The following ERC2 variants were observed in gnomAD, a reference collection of about 807,000 sequenced individuals.
ERC2 encodes ELKS/RAB6-interacting/CAST family member 2.
Under a neutral mutation model 114.8 loss-of-function variants are expected in ERC2, and 42 were observed. The ratio of observed to expected loss-of-function variants is 0.37; its 90% confidence interval spans 0.29 to 0.47. The LOEUF (loss-of-function observed/expected upper bound fraction) is 0.47, where lower values mean the gene tolerates loss of function less well. ERC2 is among the 20% of genes least tolerant of loss of function. The pLI, the probability that ERC2 is intolerant of heterozygous loss-of-function variation, is 0.99. For missense variants in ERC2, 939 were observed against 1,150.7 expected, an observed-to-expected ratio of 0.82 and a Z score of 2.66; for synonymous variants, 454 against 425.5, an observed-to-expected ratio of 1.07 and a Z score of -0.82.
intron 14 of ERC2, among the ~76,000 whole-genome samples, chr3:55,789,690 C>T (rs2069822021): frequency 6.6e-6 from 1 of 152,170 alleles, no homozygotes; most frequent in Non-Finnish European, 1.5e-5. Context: ...GAAGAAGTCA[C>T]ATGGTATGCT....
intron 17 of ERC2, among the ~76,000 whole-genome samples, chr3:55,547,994 G>T (rs927790316): frequency 6.6e-6 from 1 of 152,238 alleles, no homozygotes; most frequent in Non-Finnish European, 1.5e-5. Context: ...TCTTCAGGCT[G>T]TCAGGTCTAG....
At chr3:55,706,387 T>C (rs1236270881) in intron 15 of ERC2, among the ~76,000 whole-genome samples, 2 of 151,442 alleles carry the variant, frequency 1.3e-5, no homozygotes, top group East Asian at 3.9e-4. Context: ...TTTTTTTTTG[T>C]TTTTGTTTTT....
chr3:55,620,817 A>C (rs928321271), intron 17 of ERC2, among the ~76,000 whole-genome samples: 1 of 152,192 alleles, frequency 6.6e-6, no homozygotes, highest in African/African-American at 2.4e-5. Flanking sequence ...GCCCTATCTT[A>C]AATCCTCAAG....
intron 4 of ERC2, among the ~76,000 whole-genome samples, chr3:56,155,221 A>G (rs886367436): frequency 5.9e-5 from 9 of 152,146 alleles, no homozygotes; most frequent in Admixed American, 5.2e-4. Flanking sequence ...GCCCAGAGAC[A>G]GGTACCATGG....
intron 13 of ERC2, among the ~76,000 whole-genome samples, chr3:55,930,379 C>G (rs989664079): frequency 6.6e-6 from 1 of 152,172 alleles, no homozygotes; most frequent in African/African-American, 2.4e-5. Context: ...GAAATCAAAA[C>G]AGCATGGTAC....
At chr3:56,451,049 A>G (rs2107517317) in intron 1 of ERC2, among the ~76,000 whole-genome samples, 1 of 152,322 alleles carries the variant, frequency 6.6e-6, no homozygotes, top group East Asian at 1.9e-4. Flanking sequence ...CGTTTTTTAA[A>G]CATCTATGCA....
intron 12 of ERC2, among the ~76,000 whole-genome samples, chr3:55,982,552 G>T (rs2070238924): frequency 6.6e-6 from 1 of 151,948 alleles, no homozygotes; most frequent in South Asian, 2.1e-4. Context: ...TGCTCCTGTT[G>T]TTTCTATTAT....
chr3:55,643,878 A>C (rs1387946483), intron 17 of ERC2, among the ~76,000 whole-genome samples: 1 of 152,230 alleles, frequency 6.6e-6, no homozygotes, highest in African/African-American at 2.4e-5. Flanking sequence ...AGCTTTCACT[A>C]TAAATATTTG....
chr3:55,515,161 C>T (rs547739727), intron 17 of ERC2, among the ~76,000 whole-genome samples: 6 of 152,272 alleles, frequency 3.9e-5, no homozygotes, highest in Non-Finnish European at 7.4e-5. Flanking sequence ...ACAATTATGA[C>T]GTCAATCTTT....
At chr3:56,396,049 C>G (rs7624253) in intron 2 of ERC2, among the ~76,000 whole-genome samples, 5 of 152,192 alleles carry the variant, frequency 3.3e-5, no homozygotes, top group South Asian at 4.2e-4. Flanking sequence ...GATAAAAAGA[C>G]CAGGATTGGA....
chr3:55,694,722 C>A (rs1236851502), intron 16 of ERC2, among the ~76,000 whole-genome samples: 1 of 152,158 alleles, frequency 6.6e-6, no homozygotes, highest in Non-Finnish European at 1.5e-5. Context: ...TAGGCCCTTC[C>A]CAACTAGAAT....
intron 13 of ERC2, among the ~76,000 whole-genome samples, chr3:55,916,358 A>G (rs2065093009): frequency 6.6e-6 from 1 of 152,182 alleles, no homozygotes; most frequent in South Asian, 2.1e-4. Context: ...TGCTTGTAAC[A>G]GGTGATTTTT....
At chr3:56,164,071 A>G (rs2316480) in intron 4 of ERC2, among the ~76,000 whole-genome samples, 124,525 of 151,864 alleles carry the variant, frequency 0.82, 52,211 homozygotes, top group South Asian at 0.93. Flanking sequence ...CAAAGTTATT[A>G]ATCATTTCCT....
At chr3:55,699,105 G>A (rs542427615) in intron 16 of ERC2, among the ~76,000 whole-genome samples, 197 of 152,176 alleles carry the variant, frequency 1.3e-3, no homozygotes, top group African/African-American at 4.5e-3. Flanking sequence ...ATGAGATACC[G>A]AGCCAGCAAT....
chr3:56,030,416 T>C (rs937645329), intron 7 of ERC2, among the ~76,000 whole-genome samples: 4 of 152,218 alleles, frequency 2.6e-5, no homozygotes, highest in African/African-American at 7.2e-5. Context: ...TAGTGGTATG[T>C]TGAAGTCCCA....
Position 56,405,290 on chromosome 3 carries a change from A to G in ERC2, c.657+29061T>C, listed in dbSNP as rs143909429. 9.2e-3 allele frequency among the ~76,000 whole-genome samples: 1,400 copies of G among 152,230 alleles called. 16 individuals carry two copies. The highest frequency in any genetic ancestry group is 0.032 in the African/African-American group (1,315 of 41,538). On this transcript the variant is annotated intron_variant, in intron 2 of 17. Coordinates refer to ENST00000288221, the MANE Select transcript of ERC2 (RefSeq NM_015576.3). ...GCAACCTTATCTCTACTAAAAATAC[A>G]AAAATTAGCCGGGCATGGCGGTGGG...
At chr3:56,105,768 GA>G (rs2078621026) in intron 6 of ERC2, among the ~76,000 whole-genome samples, 1 of 152,224 alleles carries the variant, frequency 6.6e-6, no homozygotes, top group African/African-American at 2.4e-5. Context: ...CCTCAGTGAG[GA>G]GGATGAACAG....
Position 55,991,420 on chromosome 3 carries a change from C to T in ERC2, c.2255+637G>A, listed in dbSNP as rs146132611. On this transcript the variant is annotated intron_variant, in intron 11 of 17. Transcript: ENST00000288221. ...GCTTATTTTTAGCATCCACACTATACATAAATACAATACGGATATGATTTA... is the reference window on the plus strand; with the variant it reads ...GCTTATTTTTAGCATCCACACTATATATAAATACAATACGGATATGATTTA... Among the ~76,000 whole-genome samples, 256 of 152,334 alleles carry T rather than the reference C, an allele frequency of 1.7e-3. 1 individual carries two copies. Among genetic ancestry groups the T allele is most frequent in the Non-Finnish European group, 2.5e-3 (168 of 68,028 alleles).
At chr3:55,768,679 G>A (rs1575543170) in intron 14 of ERC2, among the ~76,000 whole-genome samples, 4 of 152,174 alleles carry the variant, frequency 2.6e-5, no homozygotes, top group South Asian at 2.1e-4. Flanking sequence ...ATGGGAGAAC[G>A]CTAAGTGTAA....
Sources: allele counts gnomAD v4.1 joint callset (sites outside exome capture counted in the v4.1 genomes callset), GRCh38; gene constraint gnomAD v4.1.1; transcripts MANE v1.5; gene names NCBI Gene and HGNC (gene_info 2026-07-23, HGNC 2026-07-21).